SCUBE2: variants seen among roughly 807,000 people sequenced by gnomAD.
SCUBE2 encodes signal peptide, CUB domain and EGF like domain containing 2, also known as signal peptide, CUB and EGF-like domain-containing protein 2.
SCUBE2 carries 114 observed loss-of-function variants against 125.9 expected under a neutral mutation model. That is an observed-to-expected ratio of 0.91 (90% CI 0.78 to 1.06). The LOEUF (loss-of-function observed/expected upper bound fraction) is 1.06. SCUBE2 is among the 50% of genes least tolerant of loss of function. The pLI is 0.00. For synonymous variants in SCUBE2, 459 were observed against 492.9 expected (o/e 0.93, Z 0.91); for missense variants, 1,255 against 1,301.8 (o/e 0.96, Z 0.55).
chr11:9,047,802 G>C (rs1370292752), intron 15 of SCUBE2, 141 bp downstream of exon 15: 1 of 1,087,862 alleles, frequency 9.2e-7, no homozygotes, highest in African/African-American at 1.6e-5. Flanking sequence ...AACCAATTCA[G>C]TTTAGTTTCG....
intron 21 of SCUBE2, among the ~76,000 whole-genome samples, chr11:9,023,559 T>C (rs1855482557): frequency 1.3e-5 from 2 of 151,908 alleles, no homozygotes; most frequent in Admixed American, 1.3e-4. Flanking sequence ...ACTGCTATCG[T>C]TTAAAAAAAA....
rs913530836 is a variant in SCUBE2, at chr11:9,059,292, T to C, written c.1090+11A>G. On this transcript the variant is annotated intron_variant, in intron 9 of 22. Transcript: ENST00000649792. ...GCCATTGCGCAGCACAGCTATGTTT[T>C]CAGCACATACCTTGGCAAGACTTCT... 1 of 1,613,662 alleles carries C rather than the reference T, an allele frequency of 6.2e-7. No individual in the cohort carries two copies. The highest frequency in any genetic ancestry group is 1.3e-5 in the African/African-American group (1 of 75,060).
At position 9,069,333 on chromosome 11, in the gene SCUBE2, C is replaced by T. The variant is rs375137281; in HGVS notation, c.643+37G>A. 179 of 1,611,620 alleles carry T rather than the reference C, an allele frequency of 1.1e-4. No homozygotes were observed. In the African/African-American group the frequency reaches 1.6e-3, roughly 14 times the overall value. On this transcript the variant is annotated intron_variant, in intron 5 of 22. Transcript: ENST00000649792. ...ACAGAAGGCAGCCTGTGGAATACGACGGTTCCCATGGCAGGTGTGCACTGG... is the reference window on the plus strand; with the variant it reads ...ACAGAAGGCAGCCTGTGGAATACGATGGTTCCCATGGCAGGTGTGCACTGG...
At chr11:9,072,805 T>C (rs1860913265) in intron 4 of SCUBE2, among the ~76,000 whole-genome samples, 1 of 152,310 alleles carries the variant, frequency 6.6e-6, no homozygotes, top group Admixed American at 6.5e-5. Context: ...CTTTAGGGGA[T>C]CCAAGAATGT....
chr11:9,082,924 C>A (rs539471247), intron 2 of SCUBE2, among the ~76,000 whole-genome samples: 44 of 152,246 alleles, frequency 2.9e-4, no homozygotes, highest in African/African-American at 1.1e-3. Flanking sequence ...CTAAAAATCA[C>A]TGACTTGCAC....
At chr11:9,047,296 C>A in intron 16 of SCUBE2, 60 bp downstream of exon 16, 1 of 1,575,500 alleles carries the variant, frequency 6.3e-7, no homozygotes, top group Admixed American at 1.7e-5. Context: ...CCTTCGGTTA[C>A]CCTGAGTGTT....
intron 2 of SCUBE2, among the ~76,000 whole-genome samples, chr11:9,080,097 A>G (rs181054878): frequency 6.6e-6 from 1 of 152,256 alleles, no homozygotes; most frequent in South Asian, 2.1e-4. Flanking sequence ...AGACAGAGGT[A>G]TAGATCAATG....
At chr11:9,089,605 G>C in intron 2 of SCUBE2, 102 bp downstream of exon 2, 1 of 1,312,942 alleles carries the variant, frequency 7.6e-7, no homozygotes, top group Non-Finnish European at 1.1e-6. Context: ...GGGGGAAAGG[G>C]AGAGGAGGGG....
At chr11:9,056,177 G>A (rs548628319) in intron 9 of SCUBE2, among the ~76,000 whole-genome samples, 3 of 152,276 alleles carry the variant, frequency 2.0e-5, no homozygotes, top group South Asian at 2.1e-4. Context: ...TCACCCATGC[G>A]TACTTGCAGG....
intron 4 of SCUBE2, among the ~76,000 whole-genome samples, chr11:9,069,877 G>A (rs983391325): frequency 3.3e-5 from 5 of 152,194 alleles, no homozygotes; most frequent in Admixed American, 2.6e-4. Context: ...CTAAGAAAAT[G>A]TTCAGATAGA....
intron 13 of SCUBE2, among the ~76,000 whole-genome samples, chr11:9,051,829 A>G (rs1432251875): frequency 6.6e-6 from 1 of 152,192 alleles, no homozygotes; most frequent in Admixed American, 6.5e-5. Flanking sequence ...TGCTTGCCCC[A>G]CCTTGGGGTG....
Position 9,091,456 on chromosome 11 carries a change from G to A in SCUBE2, c.73C>T (p.Leu25=), listed in dbSNP as rs1169475953. 2 of 1,302,144 alleles carry A rather than the reference G, an allele frequency of 1.5e-6. No homozygotes were observed. The highest frequency in any genetic ancestry group is 1.9e-5 in the South Asian group (1 of 53,308). The allele number at this position is 1,302,144 out of a possible 1,614,324, so 80.7% of individuals were successfully genotyped here. ...VLLLLLLLPP[L]LLLAGAVPPG... is the part of the protein sequence containing the mutation. ...GGGACGGCCCCCGCCAGCAGCAGCA[G>A]TGGCGGCAGCAGCAGCAGCAGCAGC... Residue 25 remains leucine, a synonymous_variant, in exon 1 of 23, where the codon CTG becomes TTG. Transcript: ENST00000649792. This position sits in a 1 kb window ranked among gnomAD's most constrained non-coding sequence, Gnocchi z 8.5.
intron 2 of SCUBE2, among the ~76,000 whole-genome samples, chr11:9,088,747 C>T (rs1862343218): frequency 6.6e-6 from 1 of 152,182 alleles, no homozygotes; most frequent in South Asian, 2.1e-4. Context: ...TTCAGTGCTC[C>T]TCATCTAATT....
chr11:9,090,008 C>T (rs547563719), intron 1 of SCUBE2, among the ~76,000 whole-genome samples, 179 bp from the exon 2 acceptor site: 4 of 152,110 alleles, frequency 2.6e-5, no homozygotes, highest in South Asian at 2.1e-4. Flanking sequence ...AGGAACAGCC[C>T]GGACACTCTA....
intron 9 of SCUBE2, 141 bp from the exon 10 acceptor site, chr11:9,056,050 AC>A (rs1275142539): frequency 2.9e-6 from 2 of 693,064 alleles, no homozygotes; most frequent in African/African-American, 1.8e-5. Context: ...CATTTTCCTC[AC>A]TCACTTGTGT....
chr11:9,050,766 C>G (rs1858274975), intron 13 of SCUBE2, 56 bp from the exon 14 acceptor site: 2 of 1,364,124 alleles, frequency 1.5e-6, no homozygotes, highest in Admixed American at 3.4e-5. Context: ...AATGGAGACA[C>G]CAGATGGGAA....
chr11:9,031,823 C>T (rs1193186708), intron 17 of SCUBE2, among the ~76,000 whole-genome samples: 1 of 152,166 alleles, frequency 6.6e-6, no homozygotes, highest in Non-Finnish European at 1.5e-5. Flanking sequence ...CTCTTATATT[C>T]TTAATCATCT....
rs761752889 is a variant in SCUBE2 at position 9,029,944 on chromosome 11, A to G, written c.2443T>C (p.Ser815Pro). The change falls in exon 19 of 23, where the codon TCT becomes CCT. Residue 815 changes from serine to proline, a missense_variant. Around this residue, in one of 3 missense-constraint regions of SCUBE2, gnomAD observed 515 missense variants for 515.7 expected, o/e 1.00. Transcript: ENST00000649792. ...TCAGTCGTAGTATTTCCTGGGCAAG[A>G]AACACAATTATTTTTTCCAAATTCA... ...QPEFGKNNCV[S>P]CPGNTTTDFD... is the part of the protein sequence containing the mutation. 6.2e-7 allele frequency: 1 copy of G among 1,614,224 alleles called. No homozygotes were observed. Among genetic ancestry groups the G allele is most frequent in the East Asian group, 2.2e-5 (1 of 44,888 alleles).
At chr11:9,039,825 C>T (rs1857051937) in intron 16 of SCUBE2, among the ~76,000 whole-genome samples, 1 of 152,142 alleles carries the variant, frequency 6.6e-6, no homozygotes, top group Non-Finnish European at 1.5e-5. Flanking sequence ...CTGACTCTCG[C>T]CTCTCAATAC....
Sources: gnomAD v4.1 joint callset for allele counts (sites outside exome capture counted in the v4.1 genomes callset) on GRCh38, gnomAD v4.1.1 for gene constraint, gnomAD v4.1.1 regional missense constraint, Gnocchi (gnomAD v3.1) non-coding constraint, MANE v1.5 for transcripts, NCBI Gene and HGNC (gene_info 2026-07-23, HGNC 2026-07-21) for gene names.